Variants in PRKCE observed in about 807,000 individuals in gnomAD.
The protein encoded by PRKCE is protein kinase C epsilon.
A neutral mutation model predicts 85.4 loss-of-function variants in PRKCE; 16 were observed. The ratio of observed to expected loss-of-function variants is 0.19; its 90% CI spans 0.13 to 0.28. PRKCE has a LOEUF of 0.28. Among genes scored for constraint, PRKCE ranks in the 10% least tolerant of loss-of-function variants. PRKCE has a pLI of 1.00. For synonymous variants in PRKCE, 388 were observed against 371.5 expected (o/e 1.04, Z -0.51); for missense variants, 573 against 975.2 (o/e 0.59, Z 5.49).
chr2:46,089,229 C>T (rs1010830466), intron 11 of PRKCE, among the ~76,000 whole-genome samples: 4 of 152,194 alleles, frequency 2.6e-5, no homozygotes, highest in Admixed American at 2.0e-4. Context: ...TCAACCTTCG[C>T]ATGGCTTCAG....
chr2:46,141,950 G>A (rs551536233), intron 11 of PRKCE, among the ~76,000 whole-genome samples: 1 of 152,260 alleles, frequency 6.6e-6, no homozygotes, highest in East Asian at 1.9e-4. Context: ...GGCAAGGCTG[G>A]GAAACCATTA....
At chr2:46,073,086 G>A (rs992155652) in intron 10 of PRKCE, among the ~76,000 whole-genome samples, 11 of 152,144 alleles carry the variant, frequency 7.2e-5, no homozygotes, top group African/African-American at 2.4e-4. Context: ...TGCTACCAAG[G>A]GGTTCTAAAC....
intron 2 of PRKCE, among the ~76,000 whole-genome samples, chr2:45,872,705 G>GTATT (rs987434655): frequency 6.6e-6 from 1 of 152,198 alleles, no homozygotes; most frequent in Non-Finnish European, 1.5e-5. Flanking sequence ...TGGCTCCAAG[G>GTATT]TATTTGTTCT....
At chr2:46,031,591 C>CGTAT (rs1491470356) in intron 10 of PRKCE, among the ~76,000 whole-genome samples, 225 of 144,124 alleles carry the variant, frequency 1.6e-3, no homozygotes, top group South Asian at 5.7e-3. Flanking sequence ...ACATTCTGCT[C>CGTAT]GTGTGTGTGT....
chr2:45,970,761 C>CTTAGGAGATAAAGACTGAAGTATT (rs1429480486), intron 2 of PRKCE, among the ~76,000 whole-genome samples: 3 of 151,816 alleles, frequency 2.0e-5, no homozygotes, highest in Non-Finnish European at 4.4e-5. Flanking sequence ...TGTCTTTGTT[C>CTTAGGAGATAAAGACTGAAGTATT]TTAGGAGATA....
rs189541287 is a variant in PRKCE at position 46,041,492 on chromosome 2, G to A, written c.1437+30975G>A. Among the ~76,000 whole-genome samples, 6 of 152,334 alleles carry A rather than the reference G, an allele frequency of 3.9e-5. No individual in the cohort carries two copies. Among genetic ancestry groups the A allele is most frequent in the Admixed American group, 3.9e-4 (6 of 15,304 alleles). ...CATCCAGACTGGCTTCTAGAAGAAA[G>A]GAAATTTATAGTGTGGAAAGTTGCA... On this transcript the variant is annotated intron_variant, in intron 10 of 14. Coordinates refer to ENST00000306156, the MANE Select transcript of PRKCE (RefSeq NM_005400.3). This position sits in a 1 kb window ranked among gnomAD's most constrained non-coding sequence, Gnocchi z 5.5.
chr2:45,695,999 T>G (rs1678115984), intron 1 of PRKCE, among the ~76,000 whole-genome samples: 1 of 152,154 alleles, frequency 6.6e-6, no homozygotes, highest in Admixed American at 6.5e-5. Flanking sequence ...TGCAGGTTAG[T>G]TACATATGTA....
chr2:45,990,658 C>CT lies in PRKCE; in HGVS notation c.823+5992dup, dbSNP rs796096867. On this transcript the variant is annotated intron_variant, in intron 6 of 14. Transcript: ENST00000306156. ...ATCTTCTAATATTCTAAATTACTTT[C>CT]TTTTTTTTTTTTTTGAGATGGAGTC... 9.0e-3 allele frequency among the ~76,000 whole-genome samples: 1,291 copies of CT among 144,232 alleles called. 15 individuals carry two copies. Among genetic ancestry groups the CT allele is most frequent in the African/African-American group, 0.026 (1,016 of 39,480 alleles). 94.6% of individuals were successfully genotyped at this position (144,232 alleles called of 152,430 possible). A position where few individuals can be genotyped will look rare whatever the true frequency, so the allele number is the denominator to read the frequency against.
At chr2:45,901,361 A>G (rs1245398719) in intron 2 of PRKCE, among the ~76,000 whole-genome samples, 2 of 152,198 alleles carry the variant, frequency 1.3e-5, no homozygotes, top group African/African-American at 4.8e-5. Flanking sequence ...TCATGTTTTC[A>G]TCTAGGTAAG....
chr2:46,152,184 A>T (rs917195082), intron 13 of PRKCE, among the ~76,000 whole-genome samples: 2 of 145,702 alleles, frequency 1.4e-5, no homozygotes, highest in African/African-American at 2.5e-5. Context: ...TTACAAAGAA[A>T]TTTTTTTTTT....
intron 14 of PRKCE, among the ~76,000 whole-genome samples, chr2:46,168,465 G>A (rs768736453): frequency 6.6e-6 from 1 of 152,184 alleles, no homozygotes; most frequent in African/African-American, 2.4e-5. Context: ...TCTGCGAAAG[G>A]CATAAAAGGA....
intron 1 of PRKCE, among the ~76,000 whole-genome samples, chr2:45,746,184 A>G (rs1683124412): frequency 6.6e-6 from 1 of 151,934 alleles, no homozygotes; most frequent in Admixed American, 6.6e-5. Flanking sequence ...GAAAGCTATC[A>G]GCTATATTCA....
At chr2:46,082,569 A>G (rs1476530696) in intron 10 of PRKCE, among the ~76,000 whole-genome samples, 1 of 152,196 alleles carries the variant, frequency 6.6e-6, no homozygotes, top group Non-Finnish European at 1.5e-5. Flanking sequence ...AGTCATCTGC[A>G]TAGAGGTGCC....
intron 1 of PRKCE, among the ~76,000 whole-genome samples, chr2:45,731,826 C>G (rs1201253080): frequency 6.6e-6 from 1 of 152,006 alleles, no homozygotes; most frequent in African/African-American, 2.4e-5. Flanking sequence ...CCGTGTTACC[C>G]AGGCTGGTCT....
At chr2:45,772,182 A>G (rs961949391) in intron 1 of PRKCE, among the ~76,000 whole-genome samples, 4 of 152,008 alleles carry the variant, frequency 2.6e-5, no homozygotes, top group African/African-American at 9.7e-5. Context: ...TTTCTTCTTC[A>G]TAAAGCTGGA....
chr2:45,863,219 G>C (rs1326486415), intron 2 of PRKCE, among the ~76,000 whole-genome samples: 1 of 152,070 alleles, frequency 6.6e-6, no homozygotes, highest in South Asian at 2.1e-4. Flanking sequence ...AGGATACTTT[G>C]GTAGGAAGAT....
intron 1 of PRKCE, among the ~76,000 whole-genome samples, chr2:45,750,466 G>A (rs998618628): frequency 6.6e-6 from 1 of 152,174 alleles, no homozygotes; most frequent in African/African-American, 2.4e-5. Flanking sequence ...TTGCCTTGGT[G>A]TAGAGCTGTG....
chr2:45,862,228 A>ACACACACG (rs70937973), intron 2 of PRKCE, among the ~76,000 whole-genome samples: 1 of 146,456 alleles, frequency 6.8e-6, no homozygotes, highest in African/African-American at 2.5e-5. Flanking sequence ...ACACACACAC[A>ACACACACG]GTATTTCAAA....
At chr2:45,783,805 G>A (rs1686380790) in intron 1 of PRKCE, among the ~76,000 whole-genome samples, 2 of 152,190 alleles carry the variant, frequency 1.3e-5, no homozygotes, top group South Asian at 2.1e-4. Context: ...AAGTGTGCAA[G>A]CTCTAGAGCC....
Sources: gnomAD v4.1 joint callset for allele counts (sites outside exome capture counted in the v4.1 genomes callset) on GRCh38, gnomAD v4.1.1 for gene constraint, Gnocchi (gnomAD v3.1) non-coding constraint, MANE v1.5 for transcripts, NCBI Gene and HGNC (gene_info 2026-07-23, HGNC 2026-07-21) for gene names.